The following ACVR1 variants were observed in gnomAD, a reference collection of about 807,000 sequenced individuals.
The protein encoded by ACVR1 is activin receptor type-1.
ACVR1 carries 38 observed loss-of-function variants against 57.1 expected under a neutral mutation model. The ratio of observed to expected loss-of-function variants is 0.67; its 90% CI spans 0.51 to 0.87. The LOEUF (loss-of-function observed/expected upper bound fraction) is 0.87, where lower values mean the gene tolerates loss of function less well. ACVR1 is among the 40% of genes least tolerant of loss of function. The pLI is 0.00. For synonymous variants in ACVR1, 212 were observed against 228.1 expected, an observed-to-expected ratio of 0.93 and a Z score of 0.63; for missense variants, 463 against 638.2, an observed-to-expected ratio of 0.73 and a Z score of 2.96.
At chr2:157,844,934 C>T (rs973374867) in intron 1 of ACVR1, among the ~76,000 whole-genome samples, 1 of 152,200 alleles carries the variant, frequency 6.6e-6, no homozygotes, top group African/African-American at 2.4e-5. Flanking sequence ...CCTCACCAGA[C>T]ACCAAATCCT....
intron 2 of ACVR1, among the ~76,000 whole-genome samples, chr2:157,807,803 C>G (rs376865990): frequency 7.7e-6 from 1 of 129,922 alleles, no homozygotes; most frequent in Non-Finnish European, 1.5e-5. Flanking sequence ...CACTGCTCAT[C>G]TGACACAGCT....
At chr2:157,814,802 C>T (rs562712114) in intron 2 of ACVR1, among the ~76,000 whole-genome samples, 25 of 152,236 alleles carry the variant, frequency 1.6e-4, no homozygotes, top group South Asian at 1.2e-3. Context: ...AAAATGAATG[C>T]GCCCGACACG....
chr2:157,826,048 T>C (rs952193715), intron 1 of ACVR1, among the ~76,000 whole-genome samples: 4 of 152,160 alleles, frequency 2.6e-5, no homozygotes, highest in African/African-American at 4.8e-5. Context: ...AATGTGGTAA[T>C]CCTTGGTGAT....
At chr2:157,794,985 T>G (rs1687049988) in intron 3 of ACVR1, among the ~76,000 whole-genome samples, 1 of 152,002 alleles carries the variant, frequency 6.6e-6, no homozygotes, top group Admixed American at 6.6e-5. Flanking sequence ...GGTAAAAGTT[T>G]TTTTTTTTTA....
chr2:157,737,305 C>A lies in ACVR1; in HGVS notation c.*226G>T. On this transcript the variant is annotated 3_prime_UTR_variant, in exon 11 of 11. Transcript: ENST00000434821. ...AGTGTCTGTCCAACATTAGTCTCTG[C>A]AGTGTGAACAGTTCGTGAAATGCCC... 1.7e-6 allele frequency: 1 copy of A among 605,354 alleles called. No homozygotes were observed. Among genetic ancestry groups the A allele is most frequent in the Non-Finnish European group, 3.0e-6 (1 of 335,882 alleles). The allele number at this position is 605,354 out of a possible 1,614,324, so 37.5% of individuals were successfully genotyped here.
intron 3 of ACVR1, among the ~76,000 whole-genome samples, chr2:157,791,143 C>T (rs1404673258): frequency 3.3e-5 from 5 of 152,222 alleles, no homozygotes; most frequent in Non-Finnish European, 7.3e-5. Context: ...GTCCATACGC[C>T]TCATGCTATG....
rs182803406 is a variant in ACVR1 at position 157,847,937 on chromosome 2, C to T, written c.-183+27859G>A. ...ATTTAAAAATATCCCCCCACCACCC[C>T]ATTCTATAAAATACCAGAGCTGCAT... On this transcript the variant is annotated intron_variant, in intron 1 of 10. Coordinates refer to ENST00000434821, the MANE Select transcript of ACVR1 (RefSeq NM_001111067.4). Among the ~76,000 whole-genome samples the T allele has an allele frequency of 1.4e-4, 22 of 152,132 alleles. No homozygotes were observed. In the East Asian group the frequency reaches 3.5e-3, roughly 24 times the overall value.
At chr2:157,750,829 T>C (rs528640835) in intron 9 of ACVR1, among the ~76,000 whole-genome samples, 72 of 151,354 alleles carry the variant, frequency 4.8e-4, no homozygotes, top group African/African-American at 1.7e-3. Context: ...AGAACACAAG[T>C]TAAAAATACA....
chr2:157,777,966 G>T (rs945976870), intron 5 of ACVR1, among the ~76,000 whole-genome samples, 165 bp downstream of exon 5: 1 of 152,164 alleles, frequency 6.6e-6, no homozygotes, highest in Non-Finnish European at 1.5e-5. Context: ...GATATGGGAA[G>T]ACTACACAGG....
intron 3 of ACVR1, among the ~76,000 whole-genome samples, chr2:157,788,736 G>A (rs1686804030): frequency 1.3e-5 from 2 of 152,106 alleles, no homozygotes; most frequent in South Asian, 4.2e-4. Context: ...TATTCCCCAT[G>A]GATAAATAGG....
chr2:157,794,057 T>C (rs1330084814), intron 3 of ACVR1, among the ~76,000 whole-genome samples: 1 of 152,224 alleles, frequency 6.6e-6, no homozygotes, highest in Non-Finnish European at 1.5e-5. Context: ...ACAAATTTAA[T>C]AAAATGTGGG....
chr2:157,772,307 G>A (rs949923506), intron 6 of ACVR1, among the ~76,000 whole-genome samples: 1 of 152,206 alleles, frequency 6.6e-6, no homozygotes, highest in Middle Eastern at 3.4e-3. Flanking sequence ...TTCACTGATC[G>A]TCATCCAGAA....
At chr2:157,766,589 T>C (rs1178518586) in intron 7 of ACVR1, among the ~76,000 whole-genome samples, 1 of 152,220 alleles carries the variant, frequency 6.6e-6, no homozygotes, top group Non-Finnish European at 1.5e-5. Flanking sequence ...CTGAGTACTG[T>C]ATTCTAGTCC....
rs1314502834 is a variant in ACVR1, at chr2:157,760,937, C to T, written c.1207G>A (p.Asp403Asn). Residue 403 changes from aspartate (D) to asparagine (N), a missense_variant, in exon 9 of 11, where the codon GAT becomes AAT. This residue lies in a region of ACVR1 where 146 missense variants were observed against 186.6 expected (regional missense o/e 0.78). Transcript: ENST00000434821. ...AAAACAAGTCCAAAGGCCCAAATAT[C>T]GACCCTTTTATAAGAATCGAAACAA... ...VDCFDSYKRV[D>N]IWAFGLVLWE... 1.9e-6 allele frequency: 3 copies of T among 1,614,148 alleles called. No individual in the cohort carries two copies. The highest frequency in any genetic ancestry group is 1.7e-6 in the Non-Finnish European group (2 of 1,180,014).
chr2:157,865,817 A>AT, intron 1 of ACVR1, among the ~76,000 whole-genome samples: 1 of 116,004 alleles, frequency 8.6e-6, no homozygotes, highest in African/African-American at 3.3e-5. Context: ...AAAGAAAAAG[A>AT]AAAAAGATAG....
intron 3 of ACVR1, among the ~76,000 whole-genome samples, chr2:157,792,354 T>A (rs967534047): frequency 6.6e-6 from 1 of 152,164 alleles, no homozygotes; most frequent in African/African-American, 2.4e-5. Flanking sequence ...ATTCAGCTGA[T>A]GAGAATCAGG....
intron 1 of ACVR1, among the ~76,000 whole-genome samples, chr2:157,848,508 G>A (rs1689195502): frequency 6.6e-6 from 1 of 152,172 alleles, no homozygotes; most frequent in Non-Finnish European, 1.5e-5. Flanking sequence ...ATTCCCAGCT[G>A]AGGCCCCAGA....
intron 3 of ACVR1, among the ~76,000 whole-genome samples, chr2:157,788,227 C>T (rs73966126): frequency 6.6e-6 from 1 of 152,108 alleles, no homozygotes; most frequent in African/African-American, 2.4e-5. Context: ...CCACTTATCC[C>T]CCCTTATGCA....
At chr2:157,775,841 C>G (rs1003123614) in intron 5 of ACVR1, among the ~76,000 whole-genome samples, 2 of 152,218 alleles carry the variant, frequency 1.3e-5, no homozygotes, top group African/African-American at 4.8e-5. Context: ...CAACCCAAGA[C>G]TAACAAACGT....
Sources: gnomAD v4.1 joint callset for allele counts (sites outside exome capture counted in the v4.1 genomes callset) on GRCh38, gnomAD v4.1.1 for gene constraint, gnomAD v4.1.1 regional missense constraint, MANE v1.5 for transcripts, NCBI Gene and HGNC (gene_info 2026-07-23, HGNC 2026-07-21) for gene names.